Variants in NOCT observed in about 807,000 individuals in gnomAD.
The protein encoded by NOCT is nocturnin.
A neutral mutation model predicts 35.0 loss-of-function variants in NOCT; 18 were observed. The observed-to-expected ratio is 0.51, with a 90% CI of 0.36 to 0.76. NOCT has a LOEUF of 0.76. Among genes scored for constraint, NOCT ranks in the 30% least tolerant of loss-of-function variants. The pLI is 0.01. For missense variants in NOCT, 479 were observed against 541.0 expected, an observed-to-expected ratio of 0.89 and a Z score of 1.14; for synonymous variants, 235 against 226.3, an observed-to-expected ratio of 1.04 and a Z score of -0.34.
At chr4:139,028,122 C>T (rs1171443937) in intron 1 of NOCT, 1 of 152,158 alleles carries the variant, frequency 6.6e-6, no homozygotes, top group Non-Finnish European at 1.5e-5. Flanking sequence ...TTTGCTTTTT[C>T]ACATTTTTAT....
intron 1 of NOCT, among the ~76,000 whole-genome samples, chr4:139,031,346 T>C (rs1726620735): frequency 6.6e-6 from 1 of 152,042 alleles, no homozygotes; most frequent in Non-Finnish European, 1.5e-5. Flanking sequence ...AGACGGGGTT[T>C]CACCATGTTG....
chr4:139,031,968 C>T (rs1188517829), intron 1 of NOCT, among the ~76,000 whole-genome samples: 2 of 152,154 alleles, frequency 1.3e-5, no homozygotes, highest in Non-Finnish European at 2.9e-5. Flanking sequence ...CCACCTTGGC[C>T]TCCCAAAGTG....
rs1027042849 is a variant in NOCT, at chr4:139,017,882, A to G, written c.190+1711A>G. On this transcript the variant is annotated intron_variant, in intron 1 of 2. Coordinates refer to ENST00000280614, the MANE Select transcript of NOCT (RefSeq NM_012118.4). ...GTGATTGAAGCCAAGACTTTAAACT[A>G]TTCGCATTGTTGGCAGATATTTAGG... Among the ~76,000 whole-genome samples, 4 of 152,204 alleles carry G rather than the reference A, an allele frequency of 2.6e-5. No individual in the cohort carries two copies. The South Asian group carries it at 6.2e-4, about 24-fold the overall frequency.
intron 1 of NOCT, among the ~76,000 whole-genome samples, chr4:139,031,304 C>A (rs1339959158): frequency 6.6e-6 from 1 of 152,068 alleles, no homozygotes; most frequent in Non-Finnish European, 1.5e-5. Flanking sequence ...CACCCACCAC[C>A]ATGCCTGGCT....
chr4:139,023,750 G>C (rs573206993), intron 1 of NOCT, among the ~76,000 whole-genome samples: 5 of 151,990 alleles, frequency 3.3e-5, no homozygotes, highest in African/African-American at 7.3e-5. Flanking sequence ...CACCCGCCTC[G>C]GCCTCTCAAA....
rs777238536 is a variant in NOCT, at chr4:139,045,213, C to G, written c.1035C>G (p.Asn345Lys). 2.6e-5 allele frequency: 42 copies of G among 1,614,206 alleles called. No individual in the cohort carries two copies. The highest frequency in any genetic ancestry group is 3.6e-5 in the Non-Finnish European group (42 of 1,180,036). Residue 345 changes from asparagine to lysine, a missense_variant, in exon 3 of 3, where the codon AAC becomes AAG. This residue lies in a region of NOCT where 214 missense variants were observed against 284.0 expected (regional missense o/e 0.75). Coordinates refer to ENST00000280614, the MANE Select transcript of NOCT (RefSeq NM_012118.4). ...TTGCTTCCTCCAGCCTCAACCTGAA[C>G]AGCGCCTACAAGCTGCTGAGTGCTG... The part of the protein sequence containing the change: ...KHFASSSLNL[N>K]SAYKLLSADG...
rs993065641 is a variant in NOCT, at chr4:139,015,920, C to A, written c.-62C>A. 133 of 1,249,200 alleles carry A rather than the reference C, an allele frequency of 1.1e-4. No individual in the cohort carries two copies. The highest frequency in any genetic ancestry group is 1.7e-4 in the Admixed American group (4 of 23,134). The allele number at this position is 1,249,200 out of a possible 1,614,324, so 77.4% of individuals were successfully genotyped here. On this transcript the variant is annotated 5_prime_UTR_variant, in exon 1 of 3. Transcript: ENST00000280614. ...GACAGTCGGCTCGACTCGGTGCCCT[C>A]GGCCCCAGCCGGGCTCCGCTCCTCG... is the stretch of plus-strand genomic sequence containing the variant.
chr4:139,023,189 TC>T (rs938887571), intron 1 of NOCT, among the ~76,000 whole-genome samples: 3 of 152,184 alleles, frequency 2.0e-5, no homozygotes, highest in Non-Finnish European at 4.4e-5. Context: ...TCTTGATGCA[TC>T]CTTTCTAGCT....
At chr4:139,021,763 G>GTTTTT (rs1560729106) in intron 1 of NOCT, among the ~76,000 whole-genome samples, 7 of 25,584 alleles carry the variant, frequency 2.7e-4, no homozygotes, top group African/African-American at 7.2e-4. Flanking sequence ...CAGTTTTTCT[G>GTTTTT]GTTTTTTTTT....
chr4:139,024,340 C>T (rs1048917959), intron 1 of NOCT, among the ~76,000 whole-genome samples: 5 of 152,136 alleles, frequency 3.3e-5, no homozygotes, highest in Admixed American at 2.6e-4. Context: ...GCATGAGGCA[C>T]CTAGCCAGGC....
At chr4:139,030,524 C>A (rs1726603423) in intron 1 of NOCT, among the ~76,000 whole-genome samples, 1 of 152,094 alleles carries the variant, frequency 6.6e-6, no homozygotes, top group Non-Finnish European at 1.5e-5. Context: ...GTGCAAATAT[C>A]CAAGGGTACC....
chr4:139,029,605 G>GTTTATT lies in NOCT; in HGVS notation c.190+13449_191-13449dup, dbSNP rs1172118401. On this transcript the variant is annotated intron_variant, in intron 1 of 2. Transcript: ENST00000280614. ...TAATACCTTCTTAACTTGGCACTTA[G>GTTTATT]TTTATTTTTATTTTTATTTTAAATT... Among the ~76,000 whole-genome samples, 24 of 152,280 alleles carry GTTTATT rather than the reference G, an allele frequency of 1.6e-4. No homozygotes were observed. In the South Asian group the frequency reaches 3.9e-3, roughly 25 times the overall value.
At chr4:139,027,542 C>T (rs964052220) in intron 1 of NOCT, among the ~76,000 whole-genome samples, 1 of 151,930 alleles carries the variant, frequency 6.6e-6, no homozygotes, top group Non-Finnish European at 1.5e-5. Flanking sequence ...CTCTGTCGCC[C>T]AGGCTGGAGT....
At chr4:139,035,688 CCT>C (rs1330914501) in intron 1 of NOCT, among the ~76,000 whole-genome samples, 4 of 152,196 alleles carry the variant, frequency 2.6e-5, no homozygotes, top group African/African-American at 7.2e-5. Context: ...ATCAGATTCT[CCT>C]CTTGAGTAGA....
intron 1 of NOCT, among the ~76,000 whole-genome samples, chr4:139,037,152 C>T (rs1436914626): frequency 6.6e-6 from 1 of 152,170 alleles, no homozygotes; most frequent in Non-Finnish European, 1.5e-5. Flanking sequence ...CTTTGGGTTT[C>T]CTGTAAGGTC....
In NOCT at chr4:139,043,353, ATGCTTT is replaced by A. The variant is rs746439409; in HGVS notation, c.460+13_460+18del. ...AACATCCTCGCCCAAGGTATGCTGGATGCTTTTGTGCCTCTGCAGTCAAGTTTGCTG... is the reference window on the plus strand; with the variant it reads ...AACATCCTCGCCCAAGGTATGCTGGATGTGCCTCTGCAGTCAAGTTTGCTG... On this transcript the variant is annotated intron_variant, in intron 2 of 2. Coordinates refer to ENST00000280614, the MANE Select transcript of NOCT (RefSeq NM_012118.4). 10 of 1,610,364 alleles carry A rather than the reference ATGCTTT, an allele frequency of 6.2e-6. No homozygotes were observed. In the Admixed American group the frequency reaches 1.5e-4, roughly 24 times the overall value.
At chr4:139,023,083 A>T (rs1442886983) in intron 1 of NOCT, among the ~76,000 whole-genome samples, 2 of 152,078 alleles carry the variant, frequency 1.3e-5, no homozygotes, top group Non-Finnish European at 2.9e-5. Flanking sequence ...CCTGGGCAAC[A>T]CAGCAAGACT....
intron 1 of NOCT, among the ~76,000 whole-genome samples, chr4:139,039,503 G>T (rs147359123): frequency 6.7e-6 from 1 of 148,448 alleles, no homozygotes; most frequent in Admixed American, 6.7e-5. Flanking sequence ...GTTCCCTTTC[G>T]TTGGTCTTCA....
At chr4:139,042,289 G>A (rs1726846876) in intron 1 of NOCT, among the ~76,000 whole-genome samples, 2 of 151,736 alleles carry the variant, frequency 1.3e-5, no homozygotes, top group South Asian at 2.1e-4. Context: ...GGCTGGTCTC[G>A]AACTCCTGAC....
Sources: gnomAD v4.1 joint callset for allele counts (sites outside exome capture counted in the v4.1 genomes callset) on GRCh38, gnomAD v4.1.1 for gene constraint, gnomAD v4.1.1 regional missense constraint, MANE v1.5 for transcripts, NCBI Gene and HGNC (gene_info 2026-07-23, HGNC 2026-07-21) for gene names.